Variants in CAMKMT observed in about 807,000 individuals in gnomAD.
CAMKMT encodes the protein CaM KMT.
In CAMKMT, 53 loss-of-function variants were observed where a neutral mutation model predicts 48.0. The observed-to-expected ratio is 1.10, with a 90% CI of 0.89 to 1.39. The LOEUF (loss-of-function observed/expected upper bound fraction) is 1.39. Ranked by LOEUF, CAMKMT falls within the 40% of genes most tolerant of loss-of-function variation. CAMKMT has a pLI of 0.00. For missense variants in CAMKMT, 428 were observed against 402.7 expected, an observed-to-expected ratio of 1.06 and a Z score of -0.54; for synonymous variants, 165 against 152.3, an observed-to-expected ratio of 1.08 and a Z score of -0.61.
chr2:44,728,623 T>C (rs2104338327), intron 7 of CAMKMT, among the ~76,000 whole-genome samples: 1 of 152,298 alleles, frequency 6.6e-6, no homozygotes. Context: ...GGTTTCCATC[T>C]CTTCCTGATT....
chr2:44,660,115 T>C (rs555734644), intron 3 of CAMKMT, among the ~76,000 whole-genome samples: 24 of 152,320 alleles, frequency 1.6e-4, no homozygotes, highest in African/African-American at 5.8e-4. Context: ...GAAAAGTAAT[T>C]ATATTTTCCA....
At chr2:44,472,287 A>T (rs1362630066) in intron 3 of CAMKMT, among the ~76,000 whole-genome samples, 1 of 152,094 alleles carries the variant, frequency 6.6e-6, no homozygotes, top group African/African-American at 2.4e-5. Context: ...GTTAGCCAGG[A>T]TATTAAATGG....
intron 3 of CAMKMT, among the ~76,000 whole-genome samples, chr2:44,603,869 C>A (rs1251289675): frequency 2.0e-5 from 3 of 152,148 alleles, no homozygotes; most frequent in African/African-American, 7.2e-5. Flanking sequence ...GAGAAGGATA[C>A]AAGAGAAAGA....
intron 7 of CAMKMT, among the ~76,000 whole-genome samples, chr2:44,723,397 CGTGG>C (rs1384338249): frequency 2.0e-5 from 3 of 152,070 alleles, no homozygotes; most frequent in African/African-American, 7.2e-5. Context: ...TCAAGACCTG[CGTGG>C]CCAACATGGT....
chr2:44,463,887 G>A (rs749527916), intron 3 of CAMKMT, among the ~76,000 whole-genome samples: 9 of 152,158 alleles, frequency 5.9e-5, no homozygotes, highest in Non-Finnish European at 1.0e-4. Context: ...GATTGGGAGA[G>A]GTGGCTGTTT....
chr2:44,745,370 A>T (rs984144226), intron 8 of CAMKMT, among the ~76,000 whole-genome samples: 1 of 152,192 alleles, frequency 6.6e-6, no homozygotes, highest in South Asian at 2.1e-4. Context: ...AGTAAGATTT[A>T]AGCTCTTTTC....
intron 3 of CAMKMT, among the ~76,000 whole-genome samples, chr2:44,442,172 A>C (rs961911190): frequency 6.6e-6 from 1 of 152,150 alleles, no homozygotes; most frequent in Non-Finnish European, 1.5e-5. Flanking sequence ...GAGAAAAAGA[A>C]CTGCTTAGAT....
At chr2:44,408,322 C>A (rs541641426) in intron 3 of CAMKMT, among the ~76,000 whole-genome samples, 2 of 152,078 alleles carry the variant, frequency 1.3e-5, no homozygotes, top group East Asian at 3.9e-4. Flanking sequence ...CCGCGCCTGG[C>A]CGTCTTTTAC....
At chr2:44,720,761 C>T (rs1323000654) in intron 7 of CAMKMT, among the ~76,000 whole-genome samples, 2 of 152,048 alleles carry the variant, frequency 1.3e-5, no homozygotes, top group Non-Finnish European at 2.9e-5. Flanking sequence ...TAATTTTTGT[C>T]ACTATAACTT....
At chr2:44,596,380 C>T (rs370212512) in intron 3 of CAMKMT, among the ~76,000 whole-genome samples, 9 of 151,396 alleles carry the variant, frequency 5.9e-5, no homozygotes, top group Non-Finnish European at 1.3e-4. Context: ...ACCCTGGAGG[C>T]GGAGGTTGCA....
At chr2:44,719,514 G>C (rs1678350858) in intron 7 of CAMKMT, among the ~76,000 whole-genome samples, 1 of 152,184 alleles carries the variant, frequency 6.6e-6, no homozygotes, top group African/African-American at 2.4e-5. Context: ...AACAGATCAT[G>C]TTCTTGAAGG....
intron 3 of CAMKMT, among the ~76,000 whole-genome samples, chr2:44,471,521 G>GTCGAGGTAGGTGGATCGCTTGAT (rs1406501530): frequency 2.6e-5 from 4 of 152,092 alleles, no homozygotes; most frequent in African/African-American, 7.2e-5. Context: ...GATCGCTTGA[G>GTCGAGGTAGGTGGATCGCTTGAT]TCAAGGAGGT....
rs1164693728 is a variant in CAMKMT at position 44,410,247 on chromosome 2, ATTTTTTTTTTTTTTTTT to A, written c.376+19953_376+19969del. 1.5e-4 allele frequency among the ~76,000 whole-genome samples: 3 copies of A among 19,468 alleles called. 1 individual carries two copies. The South Asian group carries it at 8.4e-3, about 54-fold the overall frequency. The allele number at this position is 19,468 out of a possible 152,430, so 12.8% of individuals were successfully genotyped here. ...CAGGTATCAGTATATATATATATAT[ATTTTTTTTTTTTTTTTT>A]TTTTTTTTTTGAGACGGAGTCTTGC... On this transcript the variant is annotated intron_variant, in intron 3 of 10. Transcript: ENST00000378494.
At chr2:44,525,602 A>C (rs1343353267) in intron 3 of CAMKMT, among the ~76,000 whole-genome samples, 2 of 152,172 alleles carry the variant, frequency 1.3e-5, no homozygotes, top group East Asian at 1.9e-4. Context: ...TCACAGAATA[A>C]ATTTTAATTG....
chr2:44,365,067 A>C (rs1277618303), intron 1 of CAMKMT, among the ~76,000 whole-genome samples: 1 of 152,250 alleles, frequency 6.6e-6, no homozygotes, highest in Non-Finnish European at 1.5e-5. Flanking sequence ...ACAAGCTCTT[A>C]GTAAATGTAT....
At chr2:44,608,637 T>C (rs1236810706) in intron 3 of CAMKMT, among the ~76,000 whole-genome samples, 3 of 152,168 alleles carry the variant, frequency 2.0e-5, no homozygotes, top group Non-Finnish European at 4.4e-5. Flanking sequence ...TAAGTTTTCC[T>C]CCCTCTTGAT....
At chr2:44,433,214 T>C (rs1363405152) in intron 3 of CAMKMT, among the ~76,000 whole-genome samples, 2 of 152,190 alleles carry the variant, frequency 1.3e-5, no homozygotes, top group Admixed American at 1.3e-4. Flanking sequence ...CATATATATA[T>C]CCTTTTCCAG....
intron 3 of CAMKMT, among the ~76,000 whole-genome samples, chr2:44,468,669 A>G (rs894758558): frequency 1.3e-5 from 2 of 152,216 alleles, no homozygotes; most frequent in Non-Finnish European, 2.9e-5. Context: ...CTGTAATCCC[A>G]GCACTTTGGG....
At chr2:44,620,550 A>G (rs1436682819) in intron 3 of CAMKMT, among the ~76,000 whole-genome samples, 2 of 152,156 alleles carry the variant, frequency 1.3e-5, no homozygotes, top group Non-Finnish European at 2.9e-5. Context: ...CATTTTACCC[A>G]TTCCCCATTG....
Sources: gnomAD v4.1 joint callset for allele counts (sites outside exome capture counted in the v4.1 genomes callset) on GRCh38, gnomAD v4.1.1 for gene constraint, MANE v1.5 for transcripts, NCBI Gene and HGNC (gene_info 2026-07-23, HGNC 2026-07-21) for gene names.